Variants in STAB2 observed in about 807,000 individuals in gnomAD.
STAB2 encodes stabilin 2.
In STAB2, 288 loss-of-function variants were observed where a neutral mutation model predicts 338.1. That is an observed-to-expected ratio of 0.85 (90% confidence interval 0.77 to 0.94). STAB2 has a LOEUF of 0.94. Among genes scored for constraint, STAB2 ranks in the 40% least tolerant of loss-of-function variants. STAB2 has a pLI of 0.00. For missense variants in STAB2, 3,141 were observed against 3,210.1 expected (o/e 0.98, Z 0.52); for synonymous variants, 1,202 against 1,193.3 (o/e 1.01, Z -0.15).
chr12:103,713,544 A>C, intron 41 of STAB2, 99 bp from the exon 42 acceptor site: 1 of 1,531,418 alleles, frequency 6.5e-7, no homozygotes, highest in East Asian at 2.3e-5. Context: ...CTGCTCAAGT[A>C]GTTTTGCAGT....
intron 12 of STAB2, among the ~76,000 whole-genome samples, chr12:103,653,987 T>A (rs982454634): frequency 6.6e-6 from 1 of 151,532 alleles, no homozygotes; most frequent in Middle Eastern, 3.2e-3. Context: ...GATGGATGGG[T>A]GAATGGATGG....
intron 8 of STAB2, among the ~76,000 whole-genome samples, chr12:103,638,425 C>T (rs1316335555): frequency 8.5e-5 from 13 of 152,168 alleles, no homozygotes. Flanking sequence ...AGCTCCCCAT[C>T]CAAACTTAAT....
intron 22 of STAB2, among the ~76,000 whole-genome samples, chr12:103,671,304 T>C (rs1444088772): frequency 6.6e-6 from 1 of 151,960 alleles, no homozygotes; most frequent in Non-Finnish European, 1.5e-5. Context: ...ATACAAAAAT[T>C]AGCAGGGTGT....
intron 4 of STAB2, among the ~76,000 whole-genome samples, chr12:103,621,491 G>C (rs990550461): frequency 2.6e-5 from 4 of 152,138 alleles, no homozygotes; most frequent in African/African-American, 9.7e-5. Flanking sequence ...CCAGTACTTT[G>C]GGAGGCCAAG....
intron 2 of STAB2, among the ~76,000 whole-genome samples, chr12:103,593,509 G>T (rs1956830240): frequency 6.6e-6 from 1 of 152,124 alleles, no homozygotes; most frequent in Admixed American, 6.6e-5. Flanking sequence ...CCTGCCCTTG[G>T]ACTCTCCTTC....
In STAB2 at chr12:103,758,098, G is replaced by A. The variant is rs532020616; in HGVS notation, c.6988-72G>A. The A allele has an allele frequency of 1.9e-5, 30 of 1,600,592 alleles. No homozygotes were observed. The African/African-American group carries it at 2.9e-4, about 16-fold the overall frequency. ...ATATTCACAGATGGGTGATGCCCTG[G>A]GACCTTCTTCAGCCACCCAGGTCCC... is the stretch of plus-strand genomic sequence containing the variant. On this transcript the variant is annotated intron_variant, in intron 63 of 68. Coordinates refer to ENST00000388887, the MANE Select transcript of STAB2 (RefSeq NM_017564.10).
chr12:103,687,907 C>T (rs1439200553), intron 27 of STAB2, among the ~76,000 whole-genome samples: 1 of 152,188 alleles, frequency 6.6e-6, no homozygotes, highest in Admixed American at 6.5e-5. Flanking sequence ...TTGCTTCATT[C>T]GAAGTTCCTG....
In STAB2 at chr12:103,765,676, G is replaced by A. The variant is rs558344280; in HGVS notation, c.7606-610G>A. ...GGTGATCCTCCCACCTCAGCCTCCCGAGTAGCTGGGCCTACAGGCATGTGC... is the reference window on the plus strand; with the variant it reads ...GGTGATCCTCCCACCTCAGCCTCCCAAGTAGCTGGGCCTACAGGCATGTGC... On this transcript the variant is annotated intron_variant, in intron 68 of 68. Coordinates refer to ENST00000388887, the MANE Select transcript of STAB2 (RefSeq NM_017564.10). Among the ~76,000 whole-genome samples the A allele has an allele frequency of 3.9e-5, 6 of 152,244 alleles. No individual in the cohort carries two copies. In the South Asian group the frequency reaches 1.0e-3, roughly 26 times the overall value.
Position 103,668,698 on chromosome 12 carries a change from G to C in STAB2, c.2141G>C (p.Gly714Ala). 1 of 1,550,290 alleles carries C rather than the reference G, an allele frequency of 6.5e-7. No individual in the cohort carries two copies. The highest frequency in any genetic ancestry group is 8.7e-7 in the Non-Finnish European group (1 of 1,146,486). The stretch of plus-strand genomic sequence containing the variant: ...GGCAGGTTTGGGAGCCTGAAGAGCG[G>C]CTGTGCCCGGTACTGCAATGCCACT... Reference protein sequence around the residue: ...YSGRFGSLKSGCARYCNATVK... With the variant: ...YSGRFGSLKSACARYCNATVK... The change falls in exon 20 of 69, where the codon GGC becomes GCC. Residue 714 changes from glycine (G) to alanine (A), a missense_variant. Gly to Ala is a moderately conservative substitution (Grantham distance 60). Transcript: ENST00000388887.
In STAB2 at chr12:103,719,114, G is replaced by A. The variant is rs573079096; in HGVS notation, c.4683+1273G>A. On this transcript the variant is annotated intron_variant, in intron 44 of 68. Transcript: ENST00000388887. ...GGCTAGTCGCCTACTGCTGCTCAGA[G>A]CCTAATTGTCCCAGGCCTGGTACCT... 3.3e-5 allele frequency among the ~76,000 whole-genome samples: 5 copies of A among 152,180 alleles called. No individual in the cohort carries two copies. In the South Asian group the frequency reaches 6.2e-4, roughly 19 times the overall value.
intron 51 of STAB2, among the ~76,000 whole-genome samples, chr12:103,735,104 T>C (rs1882004749): frequency 6.6e-6 from 1 of 152,046 alleles, no homozygotes; most frequent in African/African-American, 2.4e-5. Context: ...GAACTGGGGG[T>C]CAGGACTTCA....
intron 35 of STAB2, among the ~76,000 whole-genome samples, chr12:103,704,012 C>T (rs1369182123): frequency 6.6e-6 from 1 of 152,154 alleles, no homozygotes; most frequent in Non-Finnish European, 1.5e-5. Flanking sequence ...CAGCCTGGCC[C>T]AGAACTGGAA....
At chr12:103,626,494 A>G (rs1388921692) in intron 5 of STAB2, among the ~76,000 whole-genome samples, 1 of 152,244 alleles carries the variant, frequency 6.6e-6, no homozygotes, top group Non-Finnish European at 1.5e-5. Context: ...CTTGGGATTG[A>G]CAACACAGCA....
chr12:103,629,453 G>C (rs1957426872), intron 5 of STAB2, among the ~76,000 whole-genome samples: 2 of 152,198 alleles, frequency 1.3e-5, no homozygotes, highest in African/African-American at 4.8e-5. Flanking sequence ...GTCTTCAGCT[G>C]TCAGGCATTA....
At chr12:103,595,382 T>C (rs1956859850) in intron 3 of STAB2, among the ~76,000 whole-genome samples, 1 of 152,190 alleles carries the variant, frequency 6.6e-6, no homozygotes, top group South Asian at 2.1e-4. Flanking sequence ...ACAAGCAAAT[T>C]ATATACACTT....
At chr12:103,603,418 T>TATAGATAA (rs1956983461) in intron 3 of STAB2, among the ~76,000 whole-genome samples, 7 of 152,250 alleles carry the variant, frequency 4.6e-5, no homozygotes, top group South Asian at 4.1e-4. Context: ...TCAAGATTCA[T>TATAGATAA]TTCTTTGCAT....
intron 34 of STAB2, among the ~76,000 whole-genome samples, chr12:103,702,190 T>C (rs914162975): frequency 1.3e-5 from 2 of 151,930 alleles, no homozygotes; most frequent in Non-Finnish European, 2.9e-5. Flanking sequence ...TGAATTTGAC[T>C]TGGCGGCATT....
chr12:103,648,892 A>G (rs1040290977), intron 10 of STAB2, 69 bp downstream of exon 10: 3 of 1,572,908 alleles, frequency 1.9e-6, no homozygotes, highest in Non-Finnish European at 2.6e-6. Context: ...GCAAGATACA[A>G]TGATTCAGAA....
chr12:103,683,244 A>G lies in STAB2; in HGVS notation c.2845A>G (p.Ile949Val), dbSNP rs376122740. 3.7e-6 allele frequency: 6 copies of G among 1,612,988 alleles called. No homozygotes were observed. Among genetic ancestry groups the G allele is most frequent in the African/African-American group, 2.7e-5 (2 of 74,780 alleles). ...ECKKGFRGNGIDCEPITSCLE... is the reference protein window; with the variant it reads ...ECKKGFRGNGVDCEPITSCLE... ...CAAGAAAGGATTTCGAGGAAATGGG[A>G]TTGACTGTGAACCAATAACTTCATG... Residue 949 changes from isoleucine (I) to valine (V), a missense_variant, in exon 26 of 69, where the codon ATT (isoleucine) becomes GTT (valine). Coordinates refer to ENST00000388887, the MANE Select transcript of STAB2 (RefSeq NM_017564.10).
Sources: allele counts gnomAD v4.1 joint callset (sites outside exome capture counted in the v4.1 genomes callset), GRCh38; gene constraint gnomAD v4.1.1; transcripts MANE v1.5; gene names NCBI Gene and HGNC (gene_info 2026-07-23, HGNC 2026-07-21).